ETV6: variants seen among roughly 807,000 people sequenced by gnomAD.
The protein encoded by ETV6 is transcription factor ETV6.
ETV6 carries 16 observed loss-of-function variants against 51.1 expected under a neutral mutation model. The observed-to-expected ratio is 0.31, with a 90% confidence interval of 0.21 to 0.48. The LOEUF is 0.48. ETV6 is among the 20% of genes least tolerant of loss of function. The pLI is 0.99. For missense variants in ETV6, 458 were observed against 594.8 expected (o/e 0.77, Z 2.39); for synonymous variants, 240 against 224.1 (o/e 1.07, Z -0.64).
chr12:11,785,900 G>A (rs549712512), intron 2 of ETV6, among the ~76,000 whole-genome samples: 1 of 152,272 alleles, frequency 6.6e-6, no homozygotes, highest in South Asian at 2.1e-4. Flanking sequence ...GGCGTTAGCT[G>A]GAAACTTGAG....
At chr12:11,820,258 G>C (rs1442697061) in intron 2 of ETV6, among the ~76,000 whole-genome samples, 7 of 152,168 alleles carry the variant, frequency 4.6e-5, no homozygotes, top group African/African-American at 1.7e-4. Flanking sequence ...ATGCTGCACT[G>C]TCTCCATCAT....
chr12:11,711,504 C>T (rs1865171177), intron 1 of ETV6, among the ~76,000 whole-genome samples: 1 of 152,188 alleles, frequency 6.6e-6, no homozygotes, highest in Non-Finnish European at 1.5e-5. Flanking sequence ...CATCGTGGTT[C>T]CTTCTCTCCT....
intron 1 of ETV6, among the ~76,000 whole-genome samples, chr12:11,662,139 T>G (rs1011942130): frequency 6.6e-6 from 1 of 152,178 alleles, no homozygotes; most frequent in African/African-American, 2.4e-5. Flanking sequence ...CCATCTACCC[T>G]TAGAAAATGA....
At chr12:11,847,032 G>T (rs1450438797) in intron 3 of ETV6, among the ~76,000 whole-genome samples, 1 of 152,134 alleles carries the variant, frequency 6.6e-6, no homozygotes, top group East Asian at 1.9e-4. Context: ...GATCGGCATG[G>T]CAAGGTGCGG....
chr12:11,841,816 C>A (rs968390793), intron 3 of ETV6, among the ~76,000 whole-genome samples: 2 of 152,098 alleles, frequency 1.3e-5, no homozygotes, highest in Non-Finnish European at 2.9e-5. Context: ...GGCGCGGTGG[C>A]TCACGCCTGT....
intron 2 of ETV6, among the ~76,000 whole-genome samples, chr12:11,820,084 C>T (rs1054020817): frequency 6.6e-6 from 1 of 152,228 alleles, no homozygotes; most frequent in Non-Finnish European, 1.5e-5. Flanking sequence ...ATACTTAATG[C>T]TCATAATTCC....
chr12:11,893,794 TTATATA>T lies in ETV6; in HGVS notation c.*2791_*2796del, dbSNP rs57308697. On this transcript the variant is annotated 3_prime_UTR_variant, in exon 8 of 8. Transcript: ENST00000396373. The stretch of plus-strand genomic sequence containing the variant: ...GTGTCCATCCCCAAGATCTCTCATT[TTATATA>T]TATATATATATATATATATATATAT... 3,774 of 78,626 alleles carry T rather than the reference TTATATA, an allele frequency of 0.048. 119 individuals carry two copies. The highest frequency in any genetic ancestry group is 0.069 in the Admixed American group (489 of 7,044). The allele number at this position is 78,626 out of a possible 1,614,324, so 4.9% of individuals were successfully genotyped here.
At chr12:11,877,150 G>T (rs1048445926) in intron 5 of ETV6, among the ~76,000 whole-genome samples, 1 of 152,174 alleles carries the variant, frequency 6.6e-6, no homozygotes, top group African/African-American at 2.4e-5. Flanking sequence ...GAAGAAAAAA[G>T]TATGAAACTC....
At chr12:11,690,187 C>T (rs750920187) in intron 1 of ETV6, among the ~76,000 whole-genome samples, 5 of 150,874 alleles carry the variant, frequency 3.3e-5, no homozygotes, top group Non-Finnish European at 7.4e-5. Context: ...CCCTTCTTGT[C>T]TCCTTCTGCT....
intron 7 of ETV6, among the ~76,000 whole-genome samples, chr12:11,888,399 T>TTTTCTTTTCTTTTC (rs1491382545): frequency 2.2e-4 from 1 of 4,618 alleles, no homozygotes; most frequent in Non-Finnish European, 9.6e-4. Flanking sequence ...TTTTCTTTTC[T>TTTTCTTTTCTTTTC]TTTTTTTTTT....
At chr12:11,753,469 C>T (rs1021335471) in intron 2 of ETV6, among the ~76,000 whole-genome samples, 2 of 152,170 alleles carry the variant, frequency 1.3e-5, no homozygotes, top group Non-Finnish European at 2.9e-5. Context: ...GAATGTTATC[C>T]TGAGGGCACA....
chr12:11,843,951 A>G (rs1449796015), intron 3 of ETV6, among the ~76,000 whole-genome samples: 1 of 152,096 alleles, frequency 6.6e-6, no homozygotes, highest in African/African-American at 2.4e-5. Context: ...TAAAGAATAA[A>G]TGGAAGGGAT....
intron 2 of ETV6, among the ~76,000 whole-genome samples, chr12:11,774,179 G>A (rs1275746377): frequency 6.6e-6 from 1 of 152,228 alleles, no homozygotes; most frequent in Non-Finnish European, 1.5e-5. Flanking sequence ...TGCTTTTAAG[G>A]AAAGGAGGAG....
At chr12:11,832,997 T>C (rs1946266229) in intron 2 of ETV6, among the ~76,000 whole-genome samples, 2 of 152,224 alleles carry the variant, frequency 1.3e-5, no homozygotes, top group Admixed American at 1.3e-4. Context: ...GTATAGATGC[T>C]AGAAATCGAT....
intron 1 of ETV6, among the ~76,000 whole-genome samples, chr12:11,677,717 C>G (rs1251414044): frequency 2.0e-5 from 3 of 152,236 alleles, no homozygotes; most frequent in Admixed American, 2.0e-4. Flanking sequence ...GTGCCACTTA[C>G]TCTATAACTT....
rs150840957 is a variant in ETV6, at chr12:11,793,668, T to C, written c.163+41089T>C. Among the ~76,000 whole-genome samples, 1,011 of 152,292 alleles carry C rather than the reference T, an allele frequency of 6.6e-3. 6 individuals carry two copies. The highest frequency in any genetic ancestry group is 0.027 in the Middle Eastern group (8 of 294). On this transcript the variant is annotated intron_variant, in intron 2 of 7. Coordinates refer to ENST00000396373, the MANE Select transcript of ETV6 (RefSeq NM_001987.5). ...GGGATGCCTCCCTTCTCTTAGTATATGTGCTCTGTTTTGCCGCTCAGGAGG... is the reference window on the plus strand; with the variant it reads ...GGGATGCCTCCCTTCTCTTAGTATACGTGCTCTGTTTTGCCGCTCAGGAGG...
intron 1 of ETV6, among the ~76,000 whole-genome samples, chr12:11,733,675 G>C (rs1334638511): frequency 3.3e-5 from 5 of 152,062 alleles, no homozygotes; most frequent in African/African-American, 1.2e-4. Flanking sequence ...GTGGAAAAAA[G>C]GATCTTTAGC....
intron 2 of ETV6, among the ~76,000 whole-genome samples, chr12:11,795,534 G>T (rs1171977137): frequency 2.0e-5 from 3 of 152,236 alleles, no homozygotes; most frequent in Non-Finnish European, 4.4e-5. Context: ...GCACTTTAAT[G>T]ATTGATTTCC....
rs1863861089 is a variant in ETV6 at position 11,650,085 on chromosome 12, TG to T, written c.-41del. 1 of 1,602,334 alleles carries T rather than the reference TG, an allele frequency of 6.2e-7. No homozygotes were observed. Among genetic ancestry groups the T allele is most frequent in the Non-Finnish European group, 8.5e-7 (1 of 1,169,646 alleles). ...CTGGGTTGGGGAGAGGAAAGGAAAG[TG>T]GAAAAAACCTGAGAACTTCCTGATC... On this transcript the variant is annotated 5_prime_UTR_variant, in exon 1 of 8. It introduces an in-frame stop codon into an upstream open reading frame of the 5' UTR. Coordinates refer to ENST00000396373, the MANE Select transcript of ETV6 (RefSeq NM_001987.5).
Sources: gnomAD v4.1 joint callset for allele counts (sites outside exome capture counted in the v4.1 genomes callset) on GRCh38, gnomAD v4.1.1 for gene constraint, MANE v1.5 for transcripts, NCBI Gene and HGNC (gene_info 2026-07-23, HGNC 2026-07-21) for gene names.